The following TMEM181 variants were observed in gnomAD, a reference collection of about 807,000 sequenced individuals.
TMEM181 encodes transmembrane protein 181, also known as G protein-coupled receptor 178.
A neutral mutation model predicts 71.9 loss-of-function variants in TMEM181; 39 were observed. The ratio of observed to expected loss-of-function variants is 0.54; its 90% CI spans 0.42 to 0.71. The LOEUF (loss-of-function observed/expected upper bound fraction) is 0.71, where lower values mean the gene tolerates loss of function less well. Ranked by LOEUF, TMEM181 falls within the 30% of genes least tolerant of loss-of-function variation. The pLI is 0.00. For synonymous variants in TMEM181, 245 were observed against 228.8 expected, an observed-to-expected ratio of 1.07 and a Z score of -0.64; for missense variants, 595 against 583.0, an observed-to-expected ratio of 1.02 and a Z score of -0.21.
intron 3 of TMEM181, among the ~76,000 whole-genome samples, chr6:158,582,080 C>T (rs145493623): frequency 6.6e-6 from 1 of 152,288 alleles, no homozygotes; most frequent in Middle Eastern, 3.4e-3. Context: ...CTAAAACTTA[C>T]ACCATTTGAT....
In TMEM181 at chr6:158,580,018, C is replaced by A. The variant is rs147670512; in HGVS notation, c.113-922C>A. ...CACAGTATGAACGTATTTACTACCA[C>A]TGAACTGTATGCTTAAAAATGGTTA... On this transcript the variant is annotated intron_variant, in intron 2 of 16. Coordinates refer to ENST00000684151, the MANE Select transcript of TMEM181 (RefSeq NM_001376852.1). Among the ~76,000 whole-genome samples the A allele has an allele frequency of 4.4e-4, 67 of 152,152 alleles. No homozygotes were observed. The East Asian group carries it at 9.5e-3, about 22-fold the overall frequency.
At chr6:158,603,399 G>A (rs9364979) in intron 6 of TMEM181, among the ~76,000 whole-genome samples, 53,944 of 151,910 alleles carry the variant, frequency 0.36, 10,569 homozygotes, top group East Asian at 0.75. Context: ...GCTTCTGTGA[G>A]AATCTAATGC....
chr6:158,626,400 G>GA (rs758546096), intron 13 of TMEM181: 6 of 456,698 alleles, frequency 1.3e-5, no homozygotes, highest in South Asian at 4.6e-5. Flanking sequence ...TCCAGAGGAG[G>GA]AAAAAATCTA....
chr6:158,620,487 TGAGGAAGAGAGAGGGA>T lies in TMEM181; in HGVS notation c.897-3058_897-3043del, dbSNP rs757747483. Among the ~76,000 whole-genome samples the T allele has an allele frequency of 1.3e-5, 2 of 151,656 alleles. No individual in the cohort carries two copies. Among genetic ancestry groups the T allele is most frequent in the African/African-American group, 2.4e-5 (1 of 41,232 alleles). On this transcript the variant is annotated intron_variant, in intron 10 of 16. Transcript: ENST00000684151. The surrounding 1 kb of genome is among the most constrained non-coding windows in gnomAD (Gnocchi z 4.5). ...AAAGGGCTTCCCGAACCGGCATGCG[TGAGGAAGAGAGAGGGA>T]GAGGGAGAGAGAAAGAAGAGGGAGA...
rs1785869263 is a variant in TMEM181 at position 158,620,052 on chromosome 6, CTTGT to C, written c.897-3493_897-3490del. On this transcript the variant is annotated intron_variant, in intron 10 of 16. Coordinates refer to ENST00000684151, the MANE Select transcript of TMEM181 (RefSeq NM_001376852.1). This position sits in a 1 kb window ranked among gnomAD's most constrained non-coding sequence, Gnocchi z 4.5. ...TTCTCAGGCAATTGGCTGTTATTAT[CTTGT>C]TTGTATTGGGACCAGGCCATATTGC... is the stretch of plus-strand genomic sequence containing the variant. Among the ~76,000 whole-genome samples, 1 of 152,074 alleles carries C rather than the reference CTTGT, an allele frequency of 6.6e-6. No individual in the cohort carries two copies. Among genetic ancestry groups the C allele is most frequent in the Admixed American group, 6.5e-5 (1 of 15,270 alleles).
chr6:158,565,598 A>G, intron 1 of TMEM181, among the ~76,000 whole-genome samples: 1 of 152,248 alleles, frequency 6.6e-6, no homozygotes, highest in Admixed American at 6.5e-5. Flanking sequence ...TTGCAGGGAA[A>G]ATAGGAGAAC....
chr6:158,567,857 T>A (rs113156374), intron 1 of TMEM181, among the ~76,000 whole-genome samples: 2,328 of 152,092 alleles, frequency 0.015, 70 homozygotes, highest in African/African-American at 0.052. Flanking sequence ...ACATAGGATA[T>A]GTGCAGGGTG....
chr6:158,608,285 T>A, intron 8 of TMEM181, 48 bp from the exon 9 acceptor site: 1 of 1,611,304 alleles, frequency 6.2e-7, no homozygotes, highest in Non-Finnish European at 8.5e-7. Context: ...GTCTGCCAGG[T>A]GCTGGCGGGC....
chr6:158,580,222 C>G (rs539875913), intron 2 of TMEM181, among the ~76,000 whole-genome samples: 3 of 151,490 alleles, frequency 2.0e-5, no homozygotes, highest in Non-Finnish European at 4.4e-5. Context: ...CCCAGTTACT[C>G]GGGAGGCTGA....
chr6:158,631,922 TG>T lies in TMEM181; in HGVS notation c.*36del. On this transcript the variant is annotated 3_prime_UTR_variant, in exon 17 of 17. Transcript: ENST00000684151. ...CAGCCCAGCGAGGCGACAAGATGCC[TG>T]GATGCTTTCCCCGGTGACCGTCTGC... 1 of 1,550,420 alleles carries T rather than the reference TG, an allele frequency of 6.4e-7. No individual in the cohort carries two copies. The highest frequency in any genetic ancestry group is 8.8e-7 in the Non-Finnish European group (1 of 1,142,764).
intron 6 of TMEM181, among the ~76,000 whole-genome samples, chr6:158,595,905 T>C (rs1784363572): frequency 1.3e-5 from 2 of 152,076 alleles, no homozygotes; most frequent in African/African-American, 2.4e-5. Flanking sequence ...TTTAGGATAC[T>C]TGTCCAATTC....
chr6:158,560,229 A>AGC lies in TMEM181; in HGVS notation c.6_7dup (p.Pro3ArgfsTer29). On this transcript the variant is annotated frameshift_variant, in exon 1 of 17. Transcript: ENST00000684151. LOFTEE classifies it high-confidence loss of function. ...CCGAGGGCTCTGGGCGCCGAGATGG[A>AGC]GCCGTGAGTCCCCGGCCGAGCGGGC... 1 of 984,510 alleles carries AGC rather than the reference A, an allele frequency of 1.0e-6. No homozygotes were observed. Among genetic ancestry groups the AGC allele is most frequent in the Non-Finnish European group, 1.2e-6 (1 of 829,686 alleles). 61.0% of individuals were successfully genotyped at this position (984,510 alleles called of 1,614,324 possible).
At chr6:158,549,089 T>G (rs1781635705) in intron 1 of TMEM181, among the ~76,000 whole-genome samples, 1 of 145,214 alleles carries the variant, frequency 6.9e-6, no homozygotes, top group South Asian at 2.2e-4. Flanking sequence ...GGGGACAAAA[T>G]GAGGGAAAAT....
At chr6:158,593,852 G>A (rs1784244969) in intron 6 of TMEM181, among the ~76,000 whole-genome samples, 1 of 151,964 alleles carries the variant, frequency 6.6e-6, no homozygotes, top group Non-Finnish European at 1.5e-5. Context: ...CTCCCCCATT[G>A]TCAGCATCTC....
chr6:158,617,556 T>C (rs532744232), intron 10 of TMEM181, among the ~76,000 whole-genome samples: 1 of 152,342 alleles, frequency 6.6e-6, no homozygotes, highest in South Asian at 2.1e-4. Flanking sequence ...TCTAGTTCTT[T>C]TAATGGTGAT....
upstream of TMEM181, among the ~76,000 whole-genome samples, chr6:158,558,810 T>C (rs1781999209): frequency 6.6e-6 from 1 of 152,114 alleles, no homozygotes. Context: ...ACGTCTGTAA[T>C]TTAACAGGCT....
rs548468335 is a variant in TMEM181 at position 158,601,810 on chromosome 6, G to C, written c.493-3457G>C. 2.8e-4 allele frequency among the ~76,000 whole-genome samples: 42 copies of C among 151,872 alleles called. 1 individual carries two copies. The South Asian group carries it at 5.0e-3, about 18-fold the overall frequency. ...AAGGATACAAAAATTATGTGAAGTA[G>C]GTTACTAGCATCCCCATTTTATGGA... On this transcript the variant is annotated intron_variant, in intron 6 of 16. Coordinates refer to ENST00000684151, the MANE Select transcript of TMEM181 (RefSeq NM_001376852.1).
rs906159190 is a variant in TMEM181 at position 158,611,410 on chromosome 6, T to C, written c.896+2660T>C. On this transcript the variant is annotated intron_variant, in intron 10 of 16. Coordinates refer to ENST00000684151, the MANE Select transcript of TMEM181 (RefSeq NM_001376852.1). The stretch of plus-strand genomic sequence containing the variant: ...CCCTGGTTAGCCTCCAGGTAGATCA[T>C]TGTGGAGCCCTGATGTCGAAGTCTA... 5 of 539,300 alleles carry C rather than the reference T, an allele frequency of 9.3e-6. No homozygotes were observed. The African/African-American group carries it at 9.6e-5, about 10-fold the overall frequency. 33.4% of individuals were successfully genotyped at this position (539,300 alleles called of 1,614,324 possible). A position where few individuals can be genotyped will look rare whatever the true frequency, so the allele number is the denominator to read the frequency against.
intron 16 of TMEM181, 65 bp from the exon 17 acceptor site, chr6:158,631,745 G>A: frequency 1.3e-6 from 2 of 1,486,594 alleles, no homozygotes; most frequent in Non-Finnish European, 9.2e-7. Flanking sequence ...TGGTGTGTCA[G>A]TGTGGAAGAG....
Sources: allele counts gnomAD v4.1 joint callset (sites outside exome capture counted in the v4.1 genomes callset), GRCh38; gene constraint gnomAD v4.1.1; non-coding constraint Gnocchi (gnomAD v3.1); transcripts MANE v1.5; gene names NCBI Gene and HGNC (gene_info 2026-07-23, HGNC 2026-07-21).